Variants in CLSTN2 observed in about 807,000 individuals in gnomAD.
CLSTN2 encodes calsyntenin-2.
In CLSTN2, 48 loss-of-function variants were observed where a neutral mutation model predicts 101.2. That is an observed-to-expected ratio of 0.47 (90% CI 0.38 to 0.60). The LOEUF (loss-of-function observed/expected upper bound fraction) is 0.60, where lower values mean the gene tolerates loss of function less well. Ranked by LOEUF, CLSTN2 falls within the 20% of genes least tolerant of loss-of-function variation. The probability of loss-of-function intolerance (pLI) is 0.00; values close to 1 mark genes in which losing one functional copy is unlikely to be tolerated. For missense variants in CLSTN2, 1,160 were observed against 1,238.2 expected, an observed-to-expected ratio of 0.94 and a Z score of 0.95; for synonymous variants, 481 against 463.6, an observed-to-expected ratio of 1.04 and a Z score of -0.48.
intron 1 of CLSTN2, among the ~76,000 whole-genome samples, chr3:139,997,045 C>A: frequency 1.2e-5 from 1 of 85,836 alleles, no homozygotes; most frequent in Non-Finnish European, 2.8e-5. Context: ...AAGACTCTGT[C>A]TCAAAAAAAA....
chr3:140,529,302 A>C (rs1935207427), intron 8 of CLSTN2, among the ~76,000 whole-genome samples: 1 of 152,238 alleles, frequency 6.6e-6, no homozygotes. Context: ...GTGGGAGTAC[A>C]TCTGCAGGTG....
chr3:140,165,835 A>C (rs781316530), intron 1 of CLSTN2, among the ~76,000 whole-genome samples: 7 of 152,244 alleles, frequency 4.6e-5, no homozygotes, highest in Non-Finnish European at 1.0e-4. Flanking sequence ...TTTTATTACA[A>C]GAACAGATAC....
At chr3:140,430,863 A>G (rs963636555) in intron 5 of CLSTN2, among the ~76,000 whole-genome samples, 1 of 152,230 alleles carries the variant, frequency 6.6e-6, no homozygotes, top group Non-Finnish European at 1.5e-5. Flanking sequence ...CTTGCCCAAA[A>G]TCTCACAGCG....
chr3:140,211,531 C>CTGTGTGTG (rs60408720), intron 2 of CLSTN2, among the ~76,000 whole-genome samples: 195 of 142,490 alleles, frequency 1.4e-3, no homozygotes, highest in African/African-American at 4.4e-3. Flanking sequence ...GGATCAAAAT[C>CTGTGTGTG]TGTGTGTGTG....
chr3:140,240,814 G>T lies in CLSTN2; in HGVS notation c.232+64741G>T, dbSNP rs77127463. Among the ~76,000 whole-genome samples the T allele has an allele frequency of 9.1e-3, 1,385 of 152,222 alleles. 8 individuals are homozygous for T. The highest frequency in any genetic ancestry group is 0.015 in the Non-Finnish European group (1,053 of 68,008). Reference sequence around the variant, plus strand: ...TTGGGTAAAAGGTGTTCTGCAGCTGGGGTAAAAGAAGCAGCCAGATTTTTA... The same window carrying T: ...TTGGGTAAAAGGTGTTCTGCAGCTGTGGTAAAAGAAGCAGCCAGATTTTTA... On this transcript the variant is annotated intron_variant, in intron 2 of 16. Transcript: ENST00000458420.
chr3:140,166,798 A>T (rs1433714551), intron 1 of CLSTN2, among the ~76,000 whole-genome samples: 1 of 152,184 alleles, frequency 6.6e-6, no homozygotes, highest in Non-Finnish European at 1.5e-5. Context: ...CATCATGGAA[A>T]AGAGATAAGA....
At chr3:140,013,539 A>G (rs2007132292) in intron 1 of CLSTN2, among the ~76,000 whole-genome samples, 1 of 152,194 alleles carries the variant, frequency 6.6e-6, no homozygotes, top group Non-Finnish European at 1.5e-5. Context: ...ATATTGAAAT[A>G]TCTCTTTTCT....
intron 2 of CLSTN2, among the ~76,000 whole-genome samples, chr3:140,310,528 G>A (rs2087157998): frequency 6.6e-6 from 1 of 152,142 alleles, no homozygotes; most frequent in South Asian, 2.1e-4. Context: ...ATGTCTGCAA[G>A]CAGTCAGGGT....
chr3:140,246,380 A>G (rs6784869), intron 2 of CLSTN2, among the ~76,000 whole-genome samples: 4,798 of 152,206 alleles, frequency 0.032, 247 homozygotes, highest in African/African-American at 0.11. Context: ...TTTTACTACC[A>G]TGGGTCCAAA....
intron 2 of CLSTN2, among the ~76,000 whole-genome samples, chr3:140,196,080 G>A (rs1178461113): frequency 1.3e-5 from 2 of 152,180 alleles, no homozygotes; most frequent in African/African-American, 4.8e-5. Flanking sequence ...GTCCTAGGCG[G>A]ATTTTCTCAA....
intron 2 of CLSTN2, among the ~76,000 whole-genome samples, chr3:140,213,258 G>T (rs572173017): frequency 6.6e-6 from 1 of 151,928 alleles, no homozygotes; most frequent in Admixed American, 6.6e-5. Context: ...TGTGTGTGTC[G>T]TTTGTGGTGT....
intron 2 of CLSTN2, among the ~76,000 whole-genome samples, chr3:140,194,403 T>C (rs1390131226): frequency 6.6e-6 from 1 of 152,136 alleles, no homozygotes; most frequent in Non-Finnish European, 1.5e-5. Context: ...CCTTGAAATA[T>C]ATCACATTGG....
At chr3:140,512,040 C>T (rs1042311693) in intron 8 of CLSTN2, among the ~76,000 whole-genome samples, 1 of 151,738 alleles carries the variant, frequency 6.6e-6, no homozygotes, top group African/African-American at 2.4e-5. Context: ...GATATTACAC[C>T]TTTGTCAGAT....
chr3:140,203,759 A>G (rs2010748284), intron 2 of CLSTN2, among the ~76,000 whole-genome samples: 1 of 152,162 alleles, frequency 6.6e-6, no homozygotes, highest in Non-Finnish European at 1.5e-5. Flanking sequence ...TTTTGGAGAG[A>G]TTCCAGGGAT....
intron 2 of CLSTN2, among the ~76,000 whole-genome samples, chr3:140,394,499 G>T (rs1166661712): frequency 6.6e-6 from 1 of 152,212 alleles, no homozygotes; most frequent in Non-Finnish European, 1.5e-5. Context: ...GCACTTCTCT[G>T]GTGGTTACAT....
intron 2 of CLSTN2, among the ~76,000 whole-genome samples, chr3:140,326,728 G>A (rs1049136678): frequency 2.0e-5 from 3 of 152,122 alleles, no homozygotes; most frequent in African/African-American, 7.2e-5. Context: ...AGGACCCAAG[G>A]AATAAAAGCT....
intron 2 of CLSTN2, among the ~76,000 whole-genome samples, chr3:140,249,845 T>G (rs1423363534): frequency 6.6e-6 from 1 of 152,064 alleles, no homozygotes; most frequent in African/African-American, 2.4e-5. Context: ...AAGAAAGGGT[T>G]TAGAAAGGCC....
chr3:140,452,176 G>A (rs1356953726), intron 6 of CLSTN2, among the ~76,000 whole-genome samples: 1 of 152,116 alleles, frequency 6.6e-6, no homozygotes, highest in Non-Finnish European at 1.5e-5. Flanking sequence ...ATACCCTGGT[G>A]TGGACACCAC....
intron 1 of CLSTN2, among the ~76,000 whole-genome samples, chr3:139,994,399 C>A (rs1388855559): frequency 6.6e-6 from 1 of 152,180 alleles, no homozygotes; most frequent in Admixed American, 6.5e-5. Context: ...AGTCATCATA[C>A]CCACTTAACT....
Sources: allele counts gnomAD v4.1 joint callset (sites outside exome capture counted in the v4.1 genomes callset), GRCh38; gene constraint gnomAD v4.1.1; transcripts MANE v1.5; gene names NCBI Gene and HGNC (gene_info 2026-07-23, HGNC 2026-07-21).